The following GRID2 variants were observed in gnomAD, a reference collection of about 807,000 sequenced individuals.
GRID2 encodes the protein glutamate ionotropic receptor delta type subunit 2, also known as glutamate receptor ionotropic, delta-2.
GRID2 carries 33 observed loss-of-function variants against 114.8 expected under a neutral mutation model. That is an observed-to-expected ratio of 0.29 (90% CI 0.22 to 0.38). GRID2 has a LOEUF of 0.38. Ranked by LOEUF, GRID2 falls within the 10% of genes least tolerant of loss-of-function variation. The pLI, the probability that GRID2 is intolerant of heterozygous loss-of-function variation, is 1.00. For missense variants in GRID2, 1,184 were observed against 1,257.7 expected (o/e 0.94, Z 0.89); for synonymous variants, 505 against 449.9 (o/e 1.12, Z -1.55).
chr4:92,882,173 G>A (rs567787196), intron 2 of GRID2, among the ~76,000 whole-genome samples: 1 of 152,022 alleles, frequency 6.6e-6, no homozygotes, highest in Non-Finnish European at 1.5e-5. Flanking sequence ...TTTGTCTTTA[G>A]TTCTACTCTT....
At chr4:92,720,123 A>G (rs569696604) in intron 2 of GRID2, among the ~76,000 whole-genome samples, 49 of 152,178 alleles carry the variant, frequency 3.2e-4, no homozygotes, top group Non-Finnish European at 6.0e-4. Context: ...TAGGATGTTC[A>G]TATTTCTTTT....
intron 2 of GRID2, among the ~76,000 whole-genome samples, chr4:92,668,005 C>G (rs193298881): frequency 4.0e-4 from 61 of 151,828 alleles, no homozygotes; most frequent in Non-Finnish European, 4.1e-4. Flanking sequence ...CCGGTATCAT[C>G]AAACTGAAAA....
chr4:92,951,734 C>A (rs1285085067), intron 2 of GRID2, among the ~76,000 whole-genome samples: 8 of 152,110 alleles, frequency 5.3e-5, no homozygotes, highest in Non-Finnish European at 1.0e-4. Context: ...CCCAAACACC[C>A]AATTCCTCTT....
intron 1 of GRID2, among the ~76,000 whole-genome samples, chr4:92,500,162 G>C (rs1368741801): frequency 6.6e-6 from 1 of 151,712 alleles, no homozygotes; most frequent in Non-Finnish European, 1.5e-5. Flanking sequence ...GCTTACCTGT[G>C]TTTCTTTTTT....
intron 8 of GRID2, among the ~76,000 whole-genome samples, chr4:93,244,359 T>C (rs978665848): frequency 1.3e-5 from 2 of 151,652 alleles, no homozygotes; most frequent in Admixed American, 6.6e-5. Context: ...ACCTCCTAGG[T>C]ACAGTGGTTT....
chr4:93,043,213 A>T (rs975757821), intron 2 of GRID2, among the ~76,000 whole-genome samples: 2 of 152,184 alleles, frequency 1.3e-5, no homozygotes, highest in African/African-American at 4.8e-5. Flanking sequence ...GGTAACTTTC[A>T]AGATCATTCA....
At chr4:93,079,136 CAAAAT>C (rs1210046116) in intron 2 of GRID2, among the ~76,000 whole-genome samples, 4 of 151,326 alleles carry the variant, frequency 2.6e-5, no homozygotes, top group Non-Finnish European at 5.9e-5. Context: ...AAACTCCAAA[CAAAAT>C]AAAAATAAAG....
chr4:93,539,779 T>A (rs1443629524), intron 13 of GRID2, among the ~76,000 whole-genome samples: 1 of 152,080 alleles, frequency 6.6e-6, no homozygotes, highest in East Asian at 1.9e-4. Context: ...TCAGTTGAGA[T>A]GTCAGAAATA....
chr4:93,523,800 A>G (rs1277308437), intron 13 of GRID2, among the ~76,000 whole-genome samples: 1 of 152,180 alleles, frequency 6.6e-6, no homozygotes, highest in African/African-American at 2.4e-5. Flanking sequence ...AGGCTGGGAA[A>G]GATAGCAGCT....
intron 12 of GRID2, among the ~76,000 whole-genome samples, chr4:93,510,039 A>C (rs1729013536): frequency 6.6e-6 from 1 of 152,144 alleles, no homozygotes; most frequent in Non-Finnish European, 1.5e-5. Context: ...GGGGGAACCT[A>C]AACTGAGTTG....
At chr4:93,109,541 G>C (rs1050746262) in intron 3 of GRID2, among the ~76,000 whole-genome samples, 1 of 151,930 alleles carries the variant, frequency 6.6e-6, no homozygotes, top group Non-Finnish European at 1.5e-5. Context: ...TTTGTATGTT[G>C]AAAAATACAT....
intron 7 of GRID2, among the ~76,000 whole-genome samples, chr4:93,238,158 A>G (rs1293800134): frequency 2.6e-5 from 4 of 151,796 alleles, no homozygotes; most frequent in African/African-American, 4.8e-5. Context: ...TTTATGAAAA[A>G]TGGATGAGAT....
intron 4 of GRID2, among the ~76,000 whole-genome samples, chr4:93,159,210 G>C (rs2149405462): frequency 6.6e-6 from 1 of 151,758 alleles, no homozygotes; most frequent in African/African-American, 2.4e-5. Flanking sequence ...TACTTGTACT[G>C]GTCAAATTAC....
At chr4:93,555,878 T>A (rs1272006084) in intron 13 of GRID2, among the ~76,000 whole-genome samples, 3 of 152,144 alleles carry the variant, frequency 2.0e-5, no homozygotes, top group Non-Finnish European at 4.4e-5. Context: ...ATCTGGCAGG[T>A]GTCCCTCTGG....
At chr4:93,186,227 T>C (rs777246591) in intron 4 of GRID2, among the ~76,000 whole-genome samples, 14 of 152,164 alleles carry the variant, frequency 9.2e-5, no homozygotes, top group Non-Finnish European at 1.8e-4. Flanking sequence ...GTCTTTATAG[T>C]AGCATGATTT....
At chr4:93,692,940 C>A (rs1057176600) in intron 14 of GRID2, among the ~76,000 whole-genome samples, 2 of 152,120 alleles carry the variant, frequency 1.3e-5, no homozygotes, top group Non-Finnish European at 1.5e-5. Context: ...TGATTGCCTA[C>A]AAGTATCATT....
At chr4:93,606,191 C>T (rs772022717) in intron 13 of GRID2, among the ~76,000 whole-genome samples, 3 of 152,104 alleles carry the variant, frequency 2.0e-5, no homozygotes, top group East Asian at 1.9e-4. Context: ...CACTTTTACC[C>T]GGAAAACAGA....
At position 92,891,487 on chromosome 4, in the gene GRID2, A is replaced by G. The variant is rs558222880; in HGVS notation, c.245-193508A>G. ...ATCTGTTCTCTAAATAAGAAGTGTG[A>G]AGTGTTTTGGAAAAGAAAGGGAGAG... On this transcript the variant is annotated intron_variant, in intron 2 of 15. Transcript: ENST00000282020. Among the ~76,000 whole-genome samples, 37 of 152,272 alleles carry G rather than the reference A, an allele frequency of 2.4e-4. No homozygotes were observed. The South Asian group carries it at 7.3e-3, about 30-fold the overall frequency.
chr4:92,892,893 CATT>C (rs1274918279), intron 2 of GRID2, among the ~76,000 whole-genome samples: 2 of 152,108 alleles, frequency 1.3e-5, no homozygotes, highest in Non-Finnish European at 2.9e-5. Flanking sequence ...AATTTACTAA[CATT>C]AAACTGTTTA....
Sources: allele counts gnomAD v4.1 joint callset (sites outside exome capture counted in the v4.1 genomes callset), GRCh38; gene constraint gnomAD v4.1.1; transcripts MANE v1.5; gene names NCBI Gene and HGNC (gene_info 2026-07-23, HGNC 2026-07-21).